Variants in LRRC20 observed in about 807,000 individuals in gnomAD.
The protein encoded by LRRC20 is leucine rich repeat containing 20, also known as leucine-rich repeat-containing protein 20.
A neutral mutation model predicts 14.4 loss-of-function variants in LRRC20; 11 were observed. The ratio of observed to expected loss-of-function variants is 0.77; its 90% confidence interval spans 0.48 to 1.27. The LOEUF (loss-of-function observed/expected upper bound fraction) is 1.27, where lower values mean the gene tolerates loss of function less well. LRRC20 is among the 50% of genes most tolerant of loss of function. The pLI is 0.00. For synonymous variants in LRRC20, 121 were observed against 107.3 expected, an observed-to-expected ratio of 1.13 and a Z score of -0.79; for missense variants, 219 against 251.2, an observed-to-expected ratio of 0.87 and a Z score of 0.87.
intron 2 of LRRC20, among the ~76,000 whole-genome samples, chr10:70,357,626 A>G (rs1843575130): frequency 6.6e-6 from 1 of 152,192 alleles, no homozygotes; most frequent in African/African-American, 2.4e-5. Flanking sequence ...AGACAACCGC[A>G]TGTGCTATCA....
chr10:70,339,303 C>T (rs1056161384), intron 3 of LRRC20, among the ~76,000 whole-genome samples: 4 of 152,192 alleles, frequency 2.6e-5, no homozygotes, highest in Non-Finnish European at 5.9e-5. Flanking sequence ...CCAGCAGACA[C>T]AATTCTGGCT....
rs145866600 is a variant in LRRC20, at chr10:70,338,606, G to A, written c.232+1947C>T. Among the ~76,000 whole-genome samples, 708 of 152,236 alleles carry A rather than the reference G, an allele frequency of 4.7e-3. 10 individuals are homozygous for A. Among genetic ancestry groups the A allele is most frequent in the African/African-American group, 0.016 (663 of 41,542 alleles). ...GAATAATGCTGCCATGAACATCCAC[G>A]TGTAATGTGTTTTTGCATGGATGTA... On this transcript the variant is annotated intron_variant, in intron 3 of 4. Transcript: ENST00000446961.
At chr10:70,370,360 G>A (rs1400413467) in intron 2 of LRRC20, among the ~76,000 whole-genome samples, 1 of 152,142 alleles carries the variant, frequency 6.6e-6, no homozygotes, top group Non-Finnish European at 1.5e-5. Flanking sequence ...CAGGAGCACA[G>A]GGTCCAAATT....
intron 4 of LRRC20, among the ~76,000 whole-genome samples, chr10:70,313,048 T>C (rs1475334790): frequency 6.6e-6 from 1 of 152,208 alleles, no homozygotes; most frequent in East Asian, 1.9e-4. Context: ...ACCACAGCCT[T>C]TCCCTCCAAA....
intron 2 of LRRC20, among the ~76,000 whole-genome samples, chr10:70,360,175 A>G (rs147403035): frequency 0.01 from 1,588 of 152,032 alleles, 24 homozygotes; most frequent in South Asian, 0.056. Flanking sequence ...CAGCCTCCCA[A>G]AGTGCTGGGA....
intron 4 of LRRC20, among the ~76,000 whole-genome samples, chr10:70,309,830 T>C (rs551927769): frequency 3.0e-3 from 455 of 152,386 alleles, no homozygotes; most frequent in Non-Finnish European, 5.4e-3. Context: ...GTCATGCTGC[T>C]GCCACAGGCT....
At chr10:70,304,505 T>TATATATATATATATATATATA (rs1283512949) in intron 4 of LRRC20, among the ~76,000 whole-genome samples, 1 of 128,720 alleles carries the variant, frequency 7.8e-6, no homozygotes, top group African/African-American at 3.0e-5. Flanking sequence ...TATATATATA[T>TATATATATATATATATATATA]ATTTTACTAA....
At position 70,339,650 on chromosome 10, in the gene LRRC20, G is replaced by A. The variant is rs150075636; in HGVS notation, c.232+903C>T. ...CACTGAGCAGCAGTGACCTCTCGTA[G>A]AAGGATGGAGAGACTGCTCTCTGGA... On this transcript the variant is annotated intron_variant, in intron 3 of 4. Coordinates refer to ENST00000446961, the MANE Select transcript of LRRC20 (RefSeq NM_001278212.2). Among the ~76,000 whole-genome samples, 834 of 152,264 alleles carry A rather than the reference G, an allele frequency of 5.5e-3. 2 individuals carry two copies. Among genetic ancestry groups the A allele is most frequent in the Non-Finnish European group, 1.0e-2 (677 of 68,020 alleles).
In LRRC20 at chr10:70,323,851, A is replaced by G; in HGVS notation, c.400+12T>C. On this transcript the variant is annotated intron_variant, in intron 4 of 4. Transcript: ENST00000446961. The stretch of plus-strand genomic sequence containing the variant: ...GCAGCAGCCCAGGGCCAGGTGGGCC[A>G]GGCCCACTCACCTACGATCTCGTTC... 1.2e-6 allele frequency: 2 copies of G among 1,613,916 alleles called. No individual in the cohort carries two copies. Among genetic ancestry groups the G allele is most frequent in the Non-Finnish European group, 1.7e-6 (2 of 1,179,886 alleles).
At chr10:70,313,175 C>T (rs1030763161) in intron 4 of LRRC20, among the ~76,000 whole-genome samples, 8 of 152,344 alleles carry the variant, frequency 5.3e-5, no homozygotes, top group Admixed American at 2.6e-4. Context: ...GCAGCTGAAA[C>T]GGCTGGGCCC....
At chr10:70,340,839 T>C in intron 2 of LRRC20, 137 bp from the exon 3 acceptor site, 1 of 849,772 alleles carries the variant, frequency 1.2e-6, no homozygotes, top group South Asian at 1.7e-5. Flanking sequence ...AGGACCAGGC[T>C]TCAGACCCTG....
chr10:70,360,177 G>A (rs1418743226), intron 2 of LRRC20, among the ~76,000 whole-genome samples: 2 of 152,184 alleles, frequency 1.3e-5, no homozygotes, highest in Non-Finnish European at 2.9e-5. Flanking sequence ...GCCTCCCAAA[G>A]TGCTGGGATT....
At chr10:70,312,047 G>A (rs558887254) in intron 4 of LRRC20, among the ~76,000 whole-genome samples, 10 of 152,156 alleles carry the variant, frequency 6.6e-5, no homozygotes, top group Non-Finnish European at 1.5e-4. Context: ...GGTCCAGTGT[G>A]GTGCCCACAG....
At chr10:70,323,419 T>G (rs994730821) in intron 4 of LRRC20, among the ~76,000 whole-genome samples, 2 of 152,100 alleles carry the variant, frequency 1.3e-5, no homozygotes, top group Non-Finnish European at 2.9e-5. Flanking sequence ...GTGTTTGTTC[T>G]GGAAGGCATA....
At chr10:70,360,466 T>C (rs545181537) in intron 2 of LRRC20, among the ~76,000 whole-genome samples, 1 of 152,122 alleles carries the variant, frequency 6.6e-6, no homozygotes, top group South Asian at 2.1e-4. Context: ...AGACAGGGTC[T>C]CACTCTATAG....
intron 4 of LRRC20, among the ~76,000 whole-genome samples, chr10:70,322,437 G>A (rs2136943126): frequency 6.6e-6 from 1 of 152,318 alleles, no homozygotes; most frequent in South Asian, 2.1e-4. Flanking sequence ...AGGAATGCAG[G>A]GGGCAAAGGG....
At chr10:70,342,171 A>G (rs780435761) in intron 2 of LRRC20, among the ~76,000 whole-genome samples, 10 of 152,024 alleles carry the variant, frequency 6.6e-5, no homozygotes, top group Admixed American at 1.3e-4. Context: ...TTAGCTGGGC[A>G]TGGTGGCACA....
chr10:70,315,397 T>C (rs1372113465), intron 4 of LRRC20, among the ~76,000 whole-genome samples: 1 of 152,202 alleles, frequency 6.6e-6, no homozygotes, highest in Non-Finnish European at 1.5e-5. Flanking sequence ...GAAATAGAGT[T>C]ATAATTAAGC....
intron 2 of LRRC20, among the ~76,000 whole-genome samples, chr10:70,356,940 T>C (rs911533866): frequency 2.0e-5 from 3 of 152,138 alleles, no homozygotes; most frequent in African/African-American, 7.2e-5. Flanking sequence ...AGTTGAAAAG[T>C]GGAGACAATC....
Sources: gnomAD v4.1 joint callset for allele counts (sites outside exome capture counted in the v4.1 genomes callset) on GRCh38, gnomAD v4.1.1 for gene constraint, MANE v1.5 for transcripts, NCBI Gene and HGNC (gene_info 2026-07-23, HGNC 2026-07-21) for gene names.